Variants in RARS2 observed in about 807,000 individuals in gnomAD.
RARS2 encodes arginyl-tRNA synthetase 2, mitochondrial.
Under a neutral mutation model 88.5 loss-of-function variants are expected in RARS2, and 67 were observed. The ratio of observed to expected loss-of-function variants is 0.76; its 90% CI spans 0.62 to 0.93. The LOEUF is 0.93. RARS2 is among the 40% of genes least tolerant of loss of function. The pLI is 0.00. For missense variants in RARS2, 664 were observed against 684.2 expected (o/e 0.97, Z 0.33); for synonymous variants, 239 against 230.3 (o/e 1.04, Z -0.34).
rs1240108531 is a variant in RARS2, at chr6:87,564,250, A to C, written c.111-18T>G. 6.5e-7 allele frequency: 1 copy of C among 1,531,252 alleles called. No homozygotes were observed. Among genetic ancestry groups the C allele is most frequent in the South Asian group, 1.1e-5 (1 of 89,372 alleles). The allele number at this position is 1,531,252 out of a possible 1,614,324, so 94.9% of individuals were successfully genotyped here. A position where few individuals can be genotyped will look rare whatever the true frequency, so the allele number is the denominator to read the frequency against. On this transcript the variant is annotated intron_variant, in intron 2 of 19. Transcript: ENST00000369536. Reference sequence around the variant, plus strand: ...CTACTTCTCTAAAGACAGACATCGAAACGAGATAGAACTGTTACCTTAAAA... The same window carrying C: ...CTACTTCTCTAAAGACAGACATCGACACGAGATAGAACTGTTACCTTAAAA...
At chr6:87,555,577 A>C (rs1223525670) in intron 4 of RARS2, 72 bp from the exon 5 acceptor site, 1 of 1,205,516 alleles carries the variant, frequency 8.3e-7, no homozygotes, top group African/African-American at 1.5e-5. Context: ...ACTGAGAATT[A>C]AATGTTGCCA....
At chr6:87,525,291 G>A (rs1775304528) in intron 10 of RARS2, among the ~76,000 whole-genome samples, 1 of 152,124 alleles carries the variant, frequency 6.6e-6, no homozygotes, top group South Asian at 2.1e-4. Context: ...CTGTTTAGCT[G>A]ACAGGAAGCT....
intron 1 of RARS2, among the ~76,000 whole-genome samples, chr6:87,583,483 G>T (rs1284820162): frequency 3.3e-5 from 5 of 152,052 alleles, no homozygotes; most frequent in Admixed American, 3.3e-4. Flanking sequence ...CAGCTACCTG[G>T]GAGGCTGAGG....
At chr6:87,544,921 T>G (rs1782143849) in intron 7 of RARS2, among the ~76,000 whole-genome samples, 1 of 152,196 alleles carries the variant, frequency 6.6e-6, no homozygotes, top group Non-Finnish European at 1.5e-5. Context: ...GGATCCTACT[T>G]CATGTAGAAT....
chr6:87,551,092 T>C (rs1450750877), intron 5 of RARS2, among the ~76,000 whole-genome samples: 1 of 152,166 alleles, frequency 6.6e-6, no homozygotes, highest in African/African-American at 2.4e-5. Context: ...CCTCCGGTAT[T>C]AGAAAAATTG....
intron 1 of RARS2, 24 bp downstream of exon 1, chr6:87,589,898 C>A (rs1197874716): frequency 3.1e-6 from 5 of 1,614,104 alleles, no homozygotes; most frequent in Non-Finnish European, 3.4e-6. Context: ...TCAGGGACTC[C>A]TCTGCGCGCT....
intron 4 of RARS2, among the ~76,000 whole-genome samples, chr6:87,560,356 T>C (rs543848178): frequency 3.2e-4 from 49 of 152,320 alleles, no homozygotes; most frequent in African/African-American, 1.2e-3. Context: ...AAACAGGGTT[T>C]TGTTTGAATT....
intron 9 of RARS2, among the ~76,000 whole-genome samples, chr6:87,529,873 T>A (rs1388480276): frequency 6.6e-6 from 1 of 150,644 alleles, no homozygotes; most frequent in Non-Finnish European, 1.5e-5. Flanking sequence ...CTGGGCAAGA[T>A]GGCGAGGACC....
intron 1 of RARS2, among the ~76,000 whole-genome samples, chr6:87,583,379 C>T (rs536167974): frequency 2.6e-5 from 4 of 152,264 alleles, no homozygotes; most frequent in East Asian, 3.9e-4. Flanking sequence ...CACCTGAGGT[C>T]GGGAGTTTGA....
At chr6:87,519,087 C>A (rs1772818677) in intron 14 of RARS2, 196 bp from the exon 15 acceptor site, 6 of 586,774 alleles carry the variant, frequency 1.0e-5, no homozygotes, top group South Asian at 9.6e-5. Flanking sequence ...GAAAGAAATC[C>A]AAATTTATTT....
chr6:87,555,614 G>A (rs1228708424), intron 4 of RARS2, 109 bp from the exon 5 acceptor site: 2 of 877,494 alleles, frequency 2.3e-6, no homozygotes, highest in East Asian at 5.3e-5. Flanking sequence ...TTATGGAACT[G>A]AGAATTTCTT....
chr6:87,545,186 C>T (rs1401328953), intron 7 of RARS2, among the ~76,000 whole-genome samples: 3 of 152,158 alleles, frequency 2.0e-5, no homozygotes, highest in African/African-American at 7.2e-5. Context: ...TGGGCTAACA[C>T]GATCCTCTTA....
At chr6:87,536,637 G>GAA (rs11459821) in intron 8 of RARS2, among the ~76,000 whole-genome samples, 12 of 106,908 alleles carry the variant, frequency 1.1e-4, no homozygotes, top group East Asian at 2.8e-4. Flanking sequence ...ACCCCATCAC[G>GAA]AAAAAAAAAA....
At chr6:87,548,669 T>C (rs753093184) in intron 5 of RARS2, 23 bp from the exon 6 acceptor site, 4 of 1,605,822 alleles carry the variant, frequency 2.5e-6, no homozygotes, top group Middle Eastern at 1.6e-4. Context: ...TGGGAAACAT[T>C]TCTCTATTCT....
rs1382386016 is a variant in RARS2, at chr6:87,514,217, A to G, written c.*196T>C. On this transcript the variant is annotated 3_prime_UTR_variant, in exon 20 of 20. Coordinates refer to ENST00000369536, the MANE Select transcript of RARS2 (RefSeq NM_020320.5). ...TCCCAGCTACTCAGGAGGCTGAGGC[A>G]GGAGAATTGCTTGAACCTGGGAGGT... 1.3e-5 allele frequency among the ~76,000 whole-genome samples: 2 copies of G among 151,946 alleles called. No individual in the cohort carries two copies. The highest frequency in any genetic ancestry group is 2.4e-5 in the African/African-American group (1 of 41,372).
chr6:87,518,339 A>G, intron 16 of RARS2, 75 bp from the exon 17 acceptor site: 1 of 1,606,968 alleles, frequency 6.2e-7, no homozygotes, highest in Non-Finnish European at 8.5e-7. Context: ...CAAGTGATGA[A>G]CATGACCTTA....
At chr6:87,569,752 G>A (rs531845185) in intron 1 of RARS2, among the ~76,000 whole-genome samples, 162 bp from the exon 2 acceptor site, 1 of 152,220 alleles carries the variant, frequency 6.6e-6, no homozygotes, top group Non-Finnish European at 1.5e-5. Flanking sequence ...TATAGTGTAT[G>A]ATTCAATTAT....
At position 87,524,538 on chromosome 6, in the gene RARS2, C is replaced by A. The variant is rs1371819531; in HGVS notation, c.974+19G>T. The A allele has an allele frequency of 6.4e-7, 1 of 1,563,108 alleles. No individual in the cohort carries two copies. Among genetic ancestry groups the A allele is most frequent in the East Asian group, 2.2e-5 (1 of 44,608 alleles). On this transcript the variant is annotated intron_variant, in intron 11 of 19. Transcript: ENST00000369536. Reference sequence around the variant, plus strand: ...AACAGATTTAGAACCAAATGTTGACCCTCACAGAGGCTACAAACCTGGTTG... The same window carrying A: ...AACAGATTTAGAACCAAATGTTGACACTCACAGAGGCTACAAACCTGGTTG...
At position 87,518,875 on chromosome 6, in the gene RARS2, C is replaced by T. The variant is rs767767123; in HGVS notation, c.1254G>A (p.Lys418=). The T allele has an allele frequency of 6.2e-7, 1 of 1,614,014 alleles. No homozygotes were observed. The highest frequency in any genetic ancestry group is 8.5e-7 in the Non-Finnish European group (1 of 1,179,978). ...MASIKTTKEL[K]NPQETAERVG... ...CCCTCTCTGCAGTCTCTTGTGGGTT[C>T]TTGAGTTCTTTAGTTGCTGAAACAG... is the stretch of plus-strand genomic sequence containing the variant. Residue 418 remains lysine, a synonymous_variant, in exon 15 of 20, where the codon AAG becomes AAA. Transcript: ENST00000369536.
Sources: allele counts gnomAD v4.1 joint callset (sites outside exome capture counted in the v4.1 genomes callset), GRCh38; gene constraint gnomAD v4.1.1; transcripts MANE v1.5; gene names NCBI Gene and HGNC (gene_info 2026-07-23, HGNC 2026-07-21).